Variants in ADK observed in about 807,000 individuals in gnomAD.
ADK encodes N6,N6-dimethyladenosine kinase.
In ADK, 24 loss-of-function variants were observed where a neutral mutation model predicts 44.7. The ratio of observed to expected loss-of-function variants is 0.54; its 90% CI spans 0.39 to 0.76. The LOEUF is 0.76. Ranked by LOEUF, ADK falls within the 30% of genes least tolerant of loss-of-function variation. ADK has a pLI of 0.00. For missense variants in ADK, 321 were observed against 425.1 expected (o/e 0.76, Z 2.15); for synonymous variants, 128 against 142.6 (o/e 0.90, Z 0.73).
At chr10:74,436,297 C>T (rs548041448) in intron 6 of ADK, among the ~76,000 whole-genome samples, 5 of 152,188 alleles carry the variant, frequency 3.3e-5, no homozygotes, top group Non-Finnish European at 7.4e-5. Context: ...GTCCTAGCTA[C>T]TTGGGAGGCT....
At chr10:74,473,038 G>A (rs1369934214) in intron 6 of ADK, among the ~76,000 whole-genome samples, 1 of 151,998 alleles carries the variant, frequency 6.6e-6, no homozygotes, top group Admixed American at 6.6e-5. Context: ...CACCCAGGCT[G>A]GAAGACAGTG....
chr10:74,490,093 A>G (rs552262960), intron 6 of ADK, among the ~76,000 whole-genome samples: 2 of 152,146 alleles, frequency 1.3e-5, no homozygotes, highest in South Asian at 2.1e-4. Context: ...CATAATCTAT[A>G]TGCTTTAAAA....
intron 9 of ADK, chr10:74,655,377 AAG>A (rs1283748705): frequency 2.4e-6 from 1 of 410,178 alleles, no homozygotes; most frequent in African/African-American, 2.1e-5. Flanking sequence ...CACATCAAAA[AAG>A]AGAAGAAAGA....
chr10:74,361,111 G>A (rs1384334567), intron 4 of ADK, among the ~76,000 whole-genome samples: 5 of 152,070 alleles, frequency 3.3e-5, no homozygotes, highest in Non-Finnish European at 5.9e-5. Flanking sequence ...TCACTATGTT[G>A]GCCAGGCTGG....
At chr10:74,579,882 TATAGCCCCA>T (rs763376087) in intron 7 of ADK, among the ~76,000 whole-genome samples, 26 of 152,314 alleles carry the variant, frequency 1.7e-4, no homozygotes, top group South Asian at 4.1e-4. Flanking sequence ...AATAATAGTT[TATAGCCCCA>T]ATAATCACAG....
At chr10:74,626,222 T>C (rs1366085468) in intron 9 of ADK, among the ~76,000 whole-genome samples, 3 of 152,120 alleles carry the variant, frequency 2.0e-5, no homozygotes, top group Non-Finnish European at 2.9e-5. Context: ...GAGATAGTCA[T>C]GGTTTAAGGG....
At chr10:74,542,464 C>G (rs1411286054) in intron 7 of ADK, among the ~76,000 whole-genome samples, 1 of 152,060 alleles carries the variant, frequency 6.6e-6, no homozygotes, top group East Asian at 1.9e-4. Flanking sequence ...TGTATATTGT[C>G]AAAACACAGG....
chr10:74,575,630 TG>T (rs1255788524), intron 7 of ADK, among the ~76,000 whole-genome samples: 3 of 152,130 alleles, frequency 2.0e-5, no homozygotes, highest in Non-Finnish European at 4.4e-5. Flanking sequence ...GAGTGGCACC[TG>T]GTACGTATAT....
intron 4 of ADK, among the ~76,000 whole-genome samples, chr10:74,332,739 T>C (rs1464844602): frequency 6.6e-6 from 1 of 152,122 alleles, no homozygotes; most frequent in East Asian, 1.9e-4. Flanking sequence ...ATTTGAAGAG[T>C]ATTACTTTAT....
At chr10:74,700,882 A>G (rs1856396748) in intron 10 of ADK, among the ~76,000 whole-genome samples, 1 of 152,220 alleles carries the variant, frequency 6.6e-6, no homozygotes, top group Non-Finnish European at 1.5e-5. Flanking sequence ...AAATGGGACT[A>G]AAACTGAAAG....
intron 3 of ADK, among the ~76,000 whole-genome samples, chr10:74,290,758 C>T (rs1221366357): frequency 6.6e-6 from 1 of 152,040 alleles, no homozygotes; most frequent in Non-Finnish European, 1.5e-5. Context: ...TTAATTTTTC[C>T]TGTCCCTTCC....
At chr10:74,296,464 G>T (rs1041035906) in intron 3 of ADK, among the ~76,000 whole-genome samples, 2 of 152,024 alleles carry the variant, frequency 1.3e-5, no homozygotes, top group African/African-American at 4.8e-5. Flanking sequence ...TATTAAATTG[G>T]CAAGTATTTT....
chr10:74,512,578 G>A (rs1424257463), intron 6 of ADK, among the ~76,000 whole-genome samples: 1 of 151,684 alleles, frequency 6.6e-6, no homozygotes, highest in Non-Finnish European at 1.5e-5. Context: ...GTTGTTCACG[G>A]TAGTCTCTAG....
chr10:74,205,789 T>G (rs913444217), intron 2 of ADK, among the ~76,000 whole-genome samples: 20 of 151,972 alleles, frequency 1.3e-4, no homozygotes, highest in African/African-American at 2.4e-5. Context: ...AGAAAAACCT[T>G]TTGACAAAAT....
chr10:74,181,077 T>C lies in ADK; in HGVS notation c.66-19687T>C, dbSNP rs553023078. On this transcript the variant is annotated intron_variant, in intron 1 of 10. Transcript: ENST00000539909. ...TAGACAGGAAACAAATTTACCTATC[T>C]AATTTTCTCATTTTACAGTTGAATT... Among the ~76,000 whole-genome samples the C allele has an allele frequency of 7.9e-5, 12 of 152,348 alleles. No individual in the cohort carries two copies. The South Asian group carries it at 2.5e-3, about 32-fold the overall frequency.
At chr10:74,490,069 A>G (rs1847422373) in intron 6 of ADK, among the ~76,000 whole-genome samples, 1 of 152,050 alleles carries the variant, frequency 6.6e-6, no homozygotes, top group Non-Finnish European at 1.5e-5. Flanking sequence ...CTGAAAATGA[A>G]CCATGGTTCC....
chr10:74,172,682 T>TC (rs1842197991), intron 1 of ADK, among the ~76,000 whole-genome samples: 1 of 77,652 alleles, frequency 1.3e-5, no homozygotes, highest in Admixed American at 1.8e-4. Context: ...AGAGTGAAAC[T>TC]CCATCTCAAA....
chr10:74,611,848 A>G (rs1457483592), intron 9 of ADK, among the ~76,000 whole-genome samples: 2 of 152,148 alleles, frequency 1.3e-5, no homozygotes. Context: ...GTGTATATGT[A>G]CCACACTTTC....
chr10:74,496,207 A>T (rs1448991297), intron 6 of ADK, among the ~76,000 whole-genome samples: 3 of 152,174 alleles, frequency 2.0e-5, no homozygotes, highest in Admixed American at 1.3e-4. Flanking sequence ...CCTGGGCTCA[A>T]GCAATCCTCC....
Sources: allele counts gnomAD v4.1 joint callset (sites outside exome capture counted in the v4.1 genomes callset), GRCh38; gene constraint gnomAD v4.1.1; transcripts MANE v1.5; gene names NCBI Gene and HGNC (gene_info 2026-07-23, HGNC 2026-07-21).